The following CHD4 variants were observed in gnomAD, a reference collection of about 807,000 sequenced individuals.
CHD4 encodes chromodomain helicase DNA binding protein 4.
In CHD4, 35 loss-of-function variants were observed where a neutral mutation model predicts 235.5. The ratio of observed to expected loss-of-function variants is 0.15; its 90% CI spans 0.11 to 0.20. The LOEUF (loss-of-function observed/expected upper bound fraction) is 0.20, where lower values mean the gene tolerates loss of function less well. Ranked by LOEUF, CHD4 falls within the 10% of genes least tolerant of loss-of-function variation. The pLI, the probability that CHD4 is intolerant of heterozygous loss-of-function variation, is 1.00. For synonymous variants in CHD4, 900 were observed against 850.2 expected (o/e 1.06, Z -1.02); for missense variants, 1,329 against 2,432.3 (o/e 0.55, Z 9.54).
At chr12:6,590,054 G>A (rs1004932953) in intron 22 of CHD4, 1 of 151,840 alleles carries the variant, frequency 6.6e-6, no homozygotes, top group Non-Finnish European at 1.5e-5. Context: ...CAAAAATCTG[G>A]GCCCGTGGTG....
chr12:6,592,259 C>G, intron 19 of CHD4, 134 bp downstream of exon 19: 2 of 1,304,878 alleles, frequency 1.5e-6, no homozygotes, highest in Non-Finnish European at 2.1e-6. Flanking sequence ...CTCCAGCGCC[C>G]TAGCATCAGG....
intron 25 of CHD4, among the ~76,000 whole-genome samples, chr12:6,585,765 G>A (rs1179311105): frequency 1.9e-4 from 29 of 149,946 alleles, no homozygotes; most frequent in Admixed American, 3.3e-4. Flanking sequence ...CTCCAGCCTG[G>A]GCGGGAAAGC....
At chr12:6,590,375 T>G (rs1170317921) in intron 22 of CHD4, among the ~76,000 whole-genome samples, 1 of 152,230 alleles carries the variant, frequency 6.6e-6, no homozygotes, top group East Asian at 1.9e-4. Flanking sequence ...ATACCAATGT[T>G]AATTTTCTAG....
chr12:6,571,065 G>C (rs781271594), intron 38 of CHD4, 33 bp from the exon 39 acceptor site: 2 of 1,608,588 alleles, frequency 1.2e-6, no homozygotes, highest in Non-Finnish European at 1.7e-6. Flanking sequence ...GGTGAGCTGT[G>C]GTGGCCCAGA....
intron 12 of CHD4, among the ~76,000 whole-genome samples, chr12:6,596,939 A>C (rs1948509661): frequency 6.6e-6 from 1 of 151,172 alleles, no homozygotes; most frequent in South Asian, 2.1e-4. Context: ...AGGCTGGGCC[A>C]CAGAGCAAGA....
chr12:6,592,395 C>T lies in CHD4; in HGVS notation c.2946G>A (p.Gln982=). ...LIVRVELSPM[Q]KKYYKYILTR... is the part of the protein sequence containing the mutation. ...TGCTTCTGTCCCTCCCAACTCACTT[C>T]TGCATAGGGCTCAGCTCCACACGCA... The change falls in exon 19 of 40, where the codon CAG becomes CAA. Residue 982 remains glutamine, a splice_region_variant and synonymous_variant. Transcript: ENST00000544040. The T allele has an allele frequency of 6.3e-7, 1 of 1,578,418 alleles. No individual in the cohort carries two copies. The highest frequency in any genetic ancestry group is 8.6e-7 in the Non-Finnish European group (1 of 1,160,564).
intron 2 of CHD4, among the ~76,000 whole-genome samples, chr12:6,605,668 C>T (rs956842104): frequency 6.6e-6 from 1 of 152,188 alleles, no homozygotes; most frequent in Non-Finnish European, 1.5e-5. Context: ...TACATCCTCC[C>T]CGAGCCCCCA....
At chr12:6,591,671 A>G in intron 21 of CHD4, 23 bp downstream of exon 21, 1 of 1,614,092 alleles carries the variant, frequency 6.2e-7, no homozygotes, top group Non-Finnish European at 8.5e-7. Flanking sequence ...ACTGTTCCCT[A>G]AAGCTCCCAG....
chr12:6,594,540 G>A lies in CHD4; in HGVS notation c.2232C>T (p.Gly744=). The part of the protein sequence containing the change: ...LNWLRFSWAQ[G]TDTILADEMG... Reference sequence around the variant, plus strand: ...TCTCATCAGCCAAGATGGTGTCAGTGCCCTGAGCCCAGGAGAAGCGCAACC... The same window carrying A: ...TCTCATCAGCCAAGATGGTGTCAGTACCCTGAGCCCAGGAGAAGCGCAACC... Residue 744 remains glycine, a synonymous_variant, in exon 15 of 40, where the codon GGC becomes GGT. Coordinates refer to ENST00000544040, the MANE Select transcript of CHD4 (RefSeq NM_001273.5). 1.2e-6 allele frequency: 2 copies of A among 1,614,160 alleles called. No individual in the cohort carries two copies. Among genetic ancestry groups the A allele is most frequent in the Non-Finnish European group, 1.7e-6 (2 of 1,180,010 alleles).
Position 6,599,309 on chromosome 12 carries a change from C to T in CHD4, c.1482+464G>A, listed in dbSNP as rs565330386. Among the ~76,000 whole-genome samples, 5 of 151,808 alleles carry T rather than the reference C, an allele frequency of 3.3e-5. No homozygotes were observed. The South Asian group carries it at 6.3e-4, about 19-fold the overall frequency. On this transcript the variant is annotated intron_variant, in intron 10 of 39. Transcript: ENST00000544040. ...TTAATTAGCTGGATGTGGTGGCATG[C>T]ACCAGTACTCCTAGCTACTCAGCAA... is the stretch of plus-strand genomic sequence containing the variant.
rs757768167 is a variant in CHD4, at chr12:6,593,623, GA to G, written c.2314-8del. 5.0e-6 allele frequency: 8 copies of G among 1,612,494 alleles called. No individual in the cohort carries two copies. The South Asian group carries it at 5.5e-5, about 11-fold the overall frequency. On this transcript the variant is annotated splice_polypyrimidine_tract_variant and splice_region_variant and intron_variant, in intron 15 of 39. Transcript: ENST00000544040. This position sits in a 1 kb window ranked among gnomAD's most constrained non-coding sequence, Gnocchi z 4.9. ...AGGGGCCTTTGGAATGACCCTTTGA[GA>G]AAAAAGAGGAGAGTCAGGACTGAGG...
In CHD4 at chr12:6,582,662, G is replaced by C; in HGVS notation, c.4323C>G (p.Thr1441=). The C allele has an allele frequency of 6.2e-7, 1 of 1,614,116 alleles. No homozygotes were observed. The highest frequency in any genetic ancestry group is 8.5e-7 in the Non-Finnish European group (1 of 1,180,040). Residue 1441 remains threonine (T), a synonymous_variant, in exon 29 of 40, where the codon ACC becomes ACG. Coordinates refer to ENST00000544040, the MANE Select transcript of CHD4 (RefSeq NM_001273.5). ...CTCGCAGGTCTCTTACAAGCCACTG[G>C]GTAGTAAAAGCATCCTGAGGTGGCA... The part of the protein sequence containing the change: ...YGMPPQDAFT[T]QWLVRDLRGK...
At chr12:6,583,149 G>A in intron 26 of CHD4, 36 bp from the exon 27 acceptor site, 1 of 1,313,558 alleles carries the variant, frequency 7.6e-7, no homozygotes, top group South Asian at 1.2e-5. Flanking sequence ...GGGGCCCACT[G>A]CTCTAGTGGA....
At position 6,597,941 on chromosome 12, in the gene CHD4, A is replaced by G; in HGVS notation, c.1845T>C (p.Tyr615=). ...FAEMEERFYR[Y]GIKPEWMMIH... ...TCATCATCCACTCGGGTTTTATCCC[A>G]TAGCGATAGAAGCGTTCCTCCATCT... Residue 615 remains tyrosine (Y), a synonymous_variant, in exon 12 of 40, where the codon TAT becomes TAC. Transcript: ENST00000544040. 6.2e-7 allele frequency: 1 copy of G among 1,614,228 alleles called. No homozygotes were observed. The highest frequency in any genetic ancestry group is 2.2e-5 in the East Asian group (1 of 44,884).
intron 6 of CHD4, 23 bp downstream of exon 6, chr12:6,601,266 C>G (rs746420431): frequency 2.2e-5 from 35 of 1,609,424 alleles, no homozygotes; most frequent in Non-Finnish European, 2.8e-5. Context: ...GACACCCCCA[C>G]TCCCATTTGA....
chr12:6,587,613 G>GAA, intron 24 of CHD4, 54 bp from the exon 25 acceptor site: 1 of 1,607,974 alleles, frequency 6.2e-7, no homozygotes, highest in Non-Finnish European at 8.5e-7. Flanking sequence ...AGCTGCAGTG[G>GAA]AAAAAGCAAG....
At position 6,595,515 on chromosome 12, in the gene CHD4, TAATCC is replaced by T. The variant is rs1948473773; in HGVS notation, c.2025-90_2025-86del. On this transcript the variant is annotated intron_variant, in intron 13 of 39. Transcript: ENST00000544040. ...GGCCAGGCACAGTGGCTCACACCTG[TAATCC>T]CAGCATTTTGGGAGGCCAGCACTTT... 2.6e-6 allele frequency: 3 copies of T among 1,173,356 alleles called. No homozygotes were observed. In the Admixed American group the frequency reaches 5.6e-5, roughly 22 times the overall value. 72.7% of individuals were successfully genotyped at this position (1,173,356 alleles called of 1,614,324 possible).
intron 33 of CHD4, chr12:6,580,710 A>AC (rs1948167145): frequency 1.0e-5 from 2 of 196,060 alleles, no homozygotes; most frequent in African/African-American, 6.2e-5. Flanking sequence ...CTTTGAAAAA[A>AC]AAAAAAAAAA....
Position 6,570,630 on chromosome 12 carries a change from G to T in CHD4, c.*46C>A, listed in dbSNP as rs772457322. Reference sequence around the variant, plus strand: ...GGGAGAAGCTGGGACAAGAGAAAGTGAGGAAGGTCACTGCTCAGCGGTGGA... The same window carrying T: ...GGGAGAAGCTGGGACAAGAGAAAGTTAGGAAGGTCACTGCTCAGCGGTGGA... On this transcript the variant is annotated 3_prime_UTR_variant, in exon 40 of 40. Transcript: ENST00000544040. 1 of 1,613,518 alleles carries T rather than the reference G, an allele frequency of 6.2e-7. No individual in the cohort carries two copies.
Sources: gnomAD v4.1 joint callset for allele counts (sites outside exome capture counted in the v4.1 genomes callset) on GRCh38, gnomAD v4.1.1 for gene constraint, Gnocchi (gnomAD v3.1) non-coding constraint, MANE v1.5 for transcripts, NCBI Gene and HGNC (gene_info 2026-07-23, HGNC 2026-07-21) for gene names.